PIKFYVE: variants seen among roughly 807,000 people sequenced by gnomAD.
PIKFYVE encodes phosphoinositide kinase, FYVE-type zinc finger containing.
In PIKFYVE, 122 loss-of-function variants were observed where a neutral mutation model predicts 257.9. That is an observed-to-expected ratio of 0.47 (90% CI 0.41 to 0.55). PIKFYVE has a LOEUF of 0.55. PIKFYVE is among the 20% of genes least tolerant of loss of function. The probability of loss-of-function intolerance (pLI) is 0.00; values close to 1 mark genes in which losing one functional copy is unlikely to be tolerated. For missense variants in PIKFYVE, 2,160 were observed against 2,536.6 expected (o/e 0.85, Z 3.19); for synonymous variants, 892 against 868.9 (o/e 1.03, Z -0.47).
chr2:208,312,191 G>C (rs993775218), intron 12 of PIKFYVE, 45 bp from the exon 13 acceptor site: 1 of 1,354,168 alleles, frequency 7.4e-7, no homozygotes, highest in African/African-American at 1.4e-5. Context: ...ATAGTCATAT[G>C]TCTCTACTTT....
chr2:208,349,993 T>G, intron 35 of PIKFYVE, 31 bp from the exon 36 acceptor site: 1 of 1,610,650 alleles, frequency 6.2e-7, no homozygotes, highest in South Asian at 1.1e-5. Context: ...ACTCAAAACC[T>G]TGGCTTTACT....
Position 208,276,701 on chromosome 2 carries a change from A to G in PIKFYVE, c.323-11A>G, listed in dbSNP as rs1405988865. On this transcript the variant is annotated splice_polypyrimidine_tract_variant and intron_variant, in intron 3 of 41. Transcript: ENST00000264380. ...TGTTAACAAGGTTGCTTTTTTTTTA[A>G]TCCAACTCAGACACAAGAAGGAAAG... is the stretch of plus-strand genomic sequence containing the variant. The G allele has an allele frequency of 1.9e-6, 3 of 1,606,362 alleles. No individual in the cohort carries two copies. The highest frequency in any genetic ancestry group is 2.6e-6 in the Non-Finnish European group (3 of 1,173,150).
rs1205452441 is a variant in PIKFYVE at position 208,326,112 on chromosome 2, A to G, written c.3301A>G (p.Arg1101Gly). ...TAAAGAATTCAAAGAAATGGAGAAC[A>G]GGAGGAAGAAACAGCTGCTCAGGGA... ...LNKEFKEMEN[R>G]RKKQLLRDLS... The change falls in exon 20 of 42, where the codon AGG becomes GGG. Residue 1101 changes from arginine to glycine, a missense_variant. By Grantham distance (125) the Arg-to-Gly change is moderately radical. This residue lies in a region of PIKFYVE where 522 missense variants were observed against 514.6 expected (regional missense o/e 1.01). Transcript: ENST00000264380. The G allele has an allele frequency of 3.7e-6, 6 of 1,614,088 alleles. No homozygotes were observed. Among genetic ancestry groups the G allele is most frequent in the Non-Finnish European group, 5.1e-6 (6 of 1,180,040 alleles).
At chr2:208,333,011 G>T (rs1697726737) in intron 23 of PIKFYVE, among the ~76,000 whole-genome samples, 1 of 151,936 alleles carries the variant, frequency 6.6e-6, no homozygotes, top group Admixed American at 6.6e-5. Context: ...GAGGCAGGTG[G>T]ATCACGAGGT....
intron 31 of PIKFYVE, 146 bp downstream of exon 31, chr2:208,340,277 A>C: frequency 9.1e-7 from 1 of 1,097,400 alleles, no homozygotes; most frequent in Non-Finnish European, 1.3e-6. Flanking sequence ...CTTTTGATAC[A>C]ATGTAATTTG....
At chr2:208,284,159 G>A (rs1405133662) in intron 5 of PIKFYVE, among the ~76,000 whole-genome samples, 1 of 151,682 alleles carries the variant, frequency 6.6e-6, no homozygotes, top group Non-Finnish European at 1.5e-5. Context: ...GAAAAATAGA[G>A]TAGAAATGAA....
chr2:208,352,817 C>T (rs1401166154), intron 39 of PIKFYVE, 35 bp downstream of exon 39: 1 of 1,606,802 alleles, frequency 6.2e-7, no homozygotes, highest in Non-Finnish European at 8.5e-7. Flanking sequence ...CATTTAGCTA[C>T]TGGAACCTTT....
In PIKFYVE at chr2:208,339,428, C is replaced by A; in HGVS notation, c.4683C>A (p.Phe1561Leu). 6.2e-7 allele frequency: 1 copy of A among 1,614,122 alleles called. No individual in the cohort carries two copies. The highest frequency in any genetic ancestry group is 8.5e-7 in the Non-Finnish European group (1 of 1,180,006). Residue 1561 changes from phenylalanine (F) to leucine (L), a missense_variant, in exon 30 of 42, where the codon TTC becomes TTA. Coordinates refer to ENST00000264380, the MANE Select transcript of PIKFYVE (RefSeq NM_015040.4). ...GLQNGEKEDRFLTTLSSQSST... is the reference protein window; with the variant it reads ...GLQNGEKEDRLLTTLSSQSST... ...TGTGTTTTTCTTTAGAGGATCGCTT[C>A]TTAACAACTTTGTCCAGCCAGAGCT...
Position 208,273,738 on chromosome 2 carries a change from A to G in PIKFYVE, c.322+5A>G. On this transcript the variant is annotated splice_donor_5th_base_variant and intron_variant, in intron 3 of 41. Transcript: ENST00000264380. ...AGCGGCGCTCTTCAGCATTAGGTAA[A>G]ACAGTGTTCTTATTTCATTCCCTTC... 2 of 1,614,094 alleles carry G rather than the reference A, an allele frequency of 1.2e-6. No individual in the cohort carries two copies. The highest frequency in any genetic ancestry group is 1.7e-6 in the Non-Finnish European group (2 of 1,179,922).
At chr2:208,328,112 GTGTT>G in intron 20 of PIKFYVE, 64 bp from the exon 21 acceptor site, 2 of 1,610,026 alleles carry the variant, frequency 1.2e-6, no homozygotes, top group Non-Finnish European at 1.7e-6. Context: ...AGAGTGGAGT[GTGTT>G]TGGTGCATTG....
rs73983755 is a variant in PIKFYVE, at chr2:208,343,553, A to G, written c.5027+904A>G. ...GCCACAGTAAGAGATGAACAACAAC[A>G]ATAAGATAGGACAGTTTTATAATAA... is the stretch of plus-strand genomic sequence containing the variant. On this transcript the variant is annotated intron_variant, in intron 32 of 41. Transcript: ENST00000264380. Among the ~76,000 whole-genome samples, 995 of 152,138 alleles carry G rather than the reference A, an allele frequency of 6.5e-3. 12 individuals are homozygous for G. The highest frequency in any genetic ancestry group is 0.023 in the African/African-American group (941 of 41,582).
chr2:208,345,038 A>T (rs1699101280), intron 32 of PIKFYVE, 73 bp from the exon 33 acceptor site: 2 of 1,081,870 alleles, frequency 1.8e-6, no homozygotes, highest in Non-Finnish European at 2.8e-6. Flanking sequence ...TGCAAAACTT[A>T]CTCTAAAGCT....
At chr2:208,329,740 G>C in intron 21 of PIKFYVE, 102 bp from the exon 22 acceptor site, 1 of 1,531,584 alleles carries the variant, frequency 6.5e-7, no homozygotes, top group Non-Finnish European at 8.9e-7. Flanking sequence ...ATACTTCATT[G>C]TAAGTACCAT....
intron 21 of PIKFYVE, 54 bp downstream of exon 21, chr2:208,328,334 TA>T (rs1004695424): frequency 2.2e-5 from 35 of 1,593,882 alleles, no homozygotes; most frequent in East Asian, 1.1e-4. Flanking sequence ...TTCCAGCAAT[TA>T]AAAAAAAACA....
At position 208,325,944 on chromosome 2, in the gene PIKFYVE, T is replaced by C. The variant is rs755857718; in HGVS notation, c.3133T>C (p.Phe1045Leu). 1 of 1,614,094 alleles carries C rather than the reference T, an allele frequency of 6.2e-7. No individual in the cohort carries two copies. Among genetic ancestry groups the C allele is most frequent in the East Asian group, 2.2e-5 (1 of 44,874 alleles). Residue 1045 changes from phenylalanine to leucine, a missense_variant, in exon 20 of 42, where the codon TTT (phenylalanine) becomes CTT (leucine). By Grantham distance (22) the Phe-to-Leu change is conservative. This residue lies in a region of PIKFYVE where 522 missense variants were observed against 514.6 expected (regional missense o/e 1.01). Coordinates refer to ENST00000264380, the MANE Select transcript of PIKFYVE (RefSeq NM_015040.4). The stretch of plus-strand genomic sequence containing the variant: ...TAAACGAAAGACTTATTCTTTGGCC[T>C]TTAAGCAGGAATTAAAAGATGTGAT... ...EDKRKTYSLA[F>L]KQELKDVILC...
chr2:208,306,720 G>C (rs929311327), intron 12 of PIKFYVE, among the ~76,000 whole-genome samples: 1 of 151,948 alleles, frequency 6.6e-6, no homozygotes, highest in South Asian at 2.1e-4. Context: ...ATTGACAGGA[G>C]AAGCACCTGC....
In PIKFYVE at chr2:208,266,567, G is replaced by GGT. The variant is rs374433611; in HGVS notation, c.-10+152_-10+153insGT. 8.2e-3 allele frequency among the ~76,000 whole-genome samples: 1,242 copies of GGT among 152,352 alleles called. 15 individuals carry two copies. The highest frequency in any genetic ancestry group is 0.028 in the African/African-American group (1,177 of 41,582). ...CTGGCTGCCGGCTGAGCAAGGAAGGGCAGAGAATCTGGCTTTAGAATTAGC... is the reference window on the plus strand; with the variant it reads ...CTGGCTGCCGGCTGAGCAAGGAAGGGGTCAGAGAATCTGGCTTTAGAATTAGC... On this transcript the variant is annotated intron_variant, in intron 1 of 41. Transcript: ENST00000264380.
chr2:208,292,106 G>T (rs1201220056), intron 7 of PIKFYVE, among the ~76,000 whole-genome samples: 1 of 151,736 alleles, frequency 6.6e-6, no homozygotes, highest in Non-Finnish European at 1.5e-5. Context: ...TTGGGATTTT[G>T]TAGCTGTCTT....
rs1171838386 is a variant in PIKFYVE, at chr2:208,336,936, A to G, written c.4611+8A>G. 6.3e-7 allele frequency: 1 copy of G among 1,593,602 alleles called. No individual in the cohort carries two copies. The highest frequency in any genetic ancestry group is 1.7e-5 in the Admixed American group (1 of 59,940). On this transcript the variant is annotated splice_region_variant and intron_variant, in intron 28 of 41. Coordinates refer to ENST00000264380, the MANE Select transcript of PIKFYVE (RefSeq NM_015040.4). ...CAAGGGGAAGAAAGCAAGGTATGAA[A>G]TGTAGTCTTGTCTTTGGTCCTTAAT...
Sources: allele counts gnomAD v4.1 joint callset (sites outside exome capture counted in the v4.1 genomes callset), GRCh38; gene constraint gnomAD v4.1.1; regional missense constraint gnomAD v4.1.1; transcripts MANE v1.5; gene names NCBI Gene and HGNC (gene_info 2026-07-23, HGNC 2026-07-21).